Variants in CELF2 observed in about 807,000 individuals in gnomAD.
CELF2 encodes CUGBP Elav-like family member 2.
Under a neutral mutation model 62.6 loss-of-function variants are expected in CELF2, and 8 were observed. The observed-to-expected ratio is 0.13, with a 90% CI of 0.07 to 0.23. The LOEUF (loss-of-function observed/expected upper bound fraction) is 0.23, where lower values mean the gene tolerates loss of function less well. Among genes scored for constraint, CELF2 ranks in the 10% least tolerant of loss-of-function variants. The pLI, the probability that CELF2 is intolerant of heterozygous loss-of-function variation, is 1.00. For missense variants in CELF2, 333 were observed against 671.0 expected, an observed-to-expected ratio of 0.50 and a Z score of 5.56; for synonymous variants, 258 against 250.0, an observed-to-expected ratio of 1.03 and a Z score of -0.30.
At chr10:11,054,332 CGAG>C (rs1564537815) in intron 1 of CELF2, among the ~76,000 whole-genome samples, 1 of 152,066 alleles carries the variant, frequency 6.6e-6, no homozygotes, top group African/African-American at 2.4e-5. Flanking sequence ...TGTGGTCTCA[CGAG>C]GAAGAGGCGG....
the CELF2 span, among the ~76,000 whole-genome samples, chr10:10,768,497 T>C: frequency 6.6e-6 from 1 of 152,078 alleles, no homozygotes; most frequent in Non-Finnish European, 1.5e-5. Flanking sequence ...TCTGAAGAAG[T>C]TGAATGTATG....
intron 1 of CELF2, among the ~76,000 whole-genome samples, chr10:10,839,948 T>C (rs1019318122): frequency 1.3e-5 from 2 of 152,250 alleles, no homozygotes; most frequent in African/African-American, 4.8e-5. Context: ...CGGAATGTCA[T>C]ATATGTGGAA....
At chr10:10,477,090 A>C in the CELF2 span, among the ~76,000 whole-genome samples, 10 of 152,228 alleles carry the variant, frequency 6.6e-5, no homozygotes, top group African/African-American at 2.4e-4. Flanking sequence ...AAGGAGACAG[A>C]TAATTCAAAC....
the CELF2 span, among the ~76,000 whole-genome samples, chr10:10,730,464 A>C: frequency 6.6e-6 from 1 of 152,150 alleles, no homozygotes; most frequent in Admixed American, 6.5e-5. Flanking sequence ...GCGACAGAGC[A>C]AGAGTCTGTC....
At chr10:11,264,109 T>C (rs1182429475) in intron 5 of CELF2, among the ~76,000 whole-genome samples, 3 of 152,204 alleles carry the variant, frequency 2.0e-5, no homozygotes, top group Non-Finnish European at 4.4e-5. Context: ...CAGATCATTT[T>C]TTTGGGTGGG....
At chr10:11,250,796 A>T (rs2076899871) in intron 4 of CELF2, among the ~76,000 whole-genome samples, 1 of 152,236 alleles carries the variant, frequency 6.6e-6, no homozygotes, top group Non-Finnish European at 1.5e-5. Context: ...GACTCAAATA[A>T]GGTGTTTGTA....
chr10:11,041,039 A>G (rs1229862482), intron 1 of CELF2, among the ~76,000 whole-genome samples: 1 of 152,244 alleles, frequency 6.6e-6, no homozygotes, highest in Non-Finnish European at 1.5e-5. Flanking sequence ...TACGGAGTCC[A>G]ACATCAAGGT....
chr10:10,855,246 C>T (rs1249842415), intron 1 of CELF2, among the ~76,000 whole-genome samples: 1 of 152,206 alleles, frequency 6.6e-6, no homozygotes, highest in East Asian at 1.9e-4. Context: ...CCATCACTCC[C>T]TCCAGTCTTG....
At chr10:11,293,694 C>G (rs535067077) in intron 9 of CELF2, among the ~76,000 whole-genome samples, 1 of 152,298 alleles carries the variant, frequency 6.6e-6, no homozygotes, top group East Asian at 1.9e-4. Flanking sequence ...GTCTTGCCCT[C>G]TAGCCAGTGA....
At chr10:11,256,802 C>T (rs951493716) in intron 4 of CELF2, among the ~76,000 whole-genome samples, 10 of 151,992 alleles carry the variant, frequency 6.6e-5, no homozygotes, top group Non-Finnish European at 1.0e-4. Context: ...AGGAAAATCT[C>T]CCGGGCCCTG....
At chr10:11,086,584 A>AAAAAAAG (rs1564675904) in intron 1 of CELF2, among the ~76,000 whole-genome samples, 9 of 65,458 alleles carry the variant, frequency 1.4e-4, no homozygotes, top group African/African-American at 6.5e-4. Flanking sequence ...TTGTTAAAAA[A>AAAAAAAG]AAAAAAAAAA....
chr10:10,515,679 C>G, the CELF2 span, among the ~76,000 whole-genome samples: 1 of 152,226 alleles, frequency 6.6e-6, no homozygotes, highest in East Asian at 1.9e-4. Flanking sequence ...CTCAAGGTCA[C>G]AGTGCAAGAC....
At chr10:10,714,316 A>G in the CELF2 span, among the ~76,000 whole-genome samples, 46 of 152,340 alleles carry the variant, frequency 3.0e-4, no homozygotes, top group East Asian at 8.5e-3. Flanking sequence ...CTTTGGTAAA[A>G]GAAATTTTCG....
chr10:10,669,906 T>C, the CELF2 span, among the ~76,000 whole-genome samples: 1 of 148,112 alleles, frequency 6.8e-6, no homozygotes, highest in Non-Finnish European at 1.5e-5. Flanking sequence ...TGCCTTTTTT[T>C]TTTTTTTTTT....
intron 1 of CELF2, among the ~76,000 whole-genome samples, chr10:11,081,271 C>G (rs1248567466): frequency 6.6e-6 from 1 of 152,022 alleles, no homozygotes; most frequent in African/African-American, 2.4e-5. Flanking sequence ...TTCTATTACC[C>G]AGGTTGGCAA....
the CELF2 span, among the ~76,000 whole-genome samples, chr10:10,699,301 G>A: frequency 6.6e-6 from 1 of 152,160 alleles, no homozygotes; most frequent in Non-Finnish European, 1.5e-5. Context: ...AATCATGACA[G>A]TAATTATTCA....
At chr10:11,068,569 T>TC (rs1446360629) in intron 1 of CELF2, among the ~76,000 whole-genome samples, 1 of 151,948 alleles carries the variant, frequency 6.6e-6, no homozygotes, top group African/African-American at 2.4e-5. Flanking sequence ...TTATTTCTGT[T>TC]TTTTTTTTTG....
chr10:10,754,609 TATTTTTGTTGTTCACAGTTTAAGTCTAG>T, the CELF2 span, among the ~76,000 whole-genome samples: 1 of 152,260 alleles, frequency 6.6e-6, no homozygotes, highest in Non-Finnish European at 1.5e-5. Flanking sequence ...GCCCCAGGTC[TATTTTTGTTGTTCACAGTTTAAGTCTAG>T]ATTATTTAGG....
Position 11,335,797 on chromosome 10 carries a change from GT to G in CELF2, c.*6745del, listed in dbSNP as rs1300835660. 6.6e-6 allele frequency: 1 copy of G among 152,136 alleles called. No individual in the cohort carries two copies. The highest frequency in any genetic ancestry group is 2.4e-5 in the African/African-American group (1 of 41,418). 9.4% of individuals were successfully genotyped at this position (152,136 alleles called of 1,614,324 possible). A position where few individuals can be genotyped will look rare whatever the true frequency, so the allele number is the denominator to read the frequency against. ...AAGTGTTTATTTTTCAAATCTATAA[GT>G]ACATAGTTCCACCATTTTGGCACAA... On this transcript the variant is annotated 3_prime_UTR_variant, in exon 13 of 13. Transcript: ENST00000633077. The surrounding 1 kb of genome is among the most constrained non-coding windows in gnomAD (Gnocchi z 5.0).
Sources: gnomAD v4.1 joint callset for allele counts (sites outside exome capture counted in the v4.1 genomes callset) on GRCh38, gnomAD v4.1.1 for gene constraint, Gnocchi (gnomAD v3.1) non-coding constraint, MANE v1.5 for transcripts, NCBI Gene and HGNC (gene_info 2026-07-23, HGNC 2026-07-21) for gene names.